MBD3L5: variants seen among roughly 807,000 people sequenced by gnomAD.
MBD3L5 encodes methyl-CpG-binding domain protein 3-like 5.
For missense variants in MBD3L5, 1 was observed against 20.1 expected, an observed-to-expected ratio of 0.05 and a Z score of 1.82; for synonymous variants, 4 against 8.2, an observed-to-expected ratio of 0.49 and a Z score of 0.88.
In MBD3L5 at chr19:7,030,961, TGCTTGGTCC is replaced by T. The variant is rs1976815739; in HGVS notation, c.45+307_45+315del. ...TCTGGAAAGCTCCTGAACCAGAAAT[TGCTTGGTCC>T]GTTTTTTTAAAAAAACAAAAAACAA... On this transcript the variant is annotated intron_variant, in intron 1 of 1. Coordinates refer to ENST00000329753, the MANE Select transcript of MBD3L5 (RefSeq NM_001136507.2). Among the ~76,000 whole-genome samples, 4 of 149,620 alleles carry T rather than the reference TGCTTGGTCC, an allele frequency of 2.7e-5. No homozygotes were observed. In the South Asian group the frequency reaches 8.4e-4, roughly 32 times the overall value.
chr19:7,031,138 A>G (rs1483317128), intron 1 of MBD3L5, among the ~76,000 whole-genome samples: 1 of 125,852 alleles, frequency 7.9e-6, no homozygotes, highest in Non-Finnish European at 1.7e-5. Context: ...CTTCTTCATC[A>G]TGGAACTTAC....
At chr19:7,030,971 G>A (rs201857687) in intron 1 of MBD3L5, among the ~76,000 whole-genome samples, 2,509 of 141,336 alleles carry the variant, frequency 0.018, 2 homozygotes, top group East Asian at 0.066. Flanking sequence ...TGCTTGGTCC[G>A]TTTTTTTAAA....
intron 1 of MBD3L5, among the ~76,000 whole-genome samples, chr19:7,030,895 G>T (rs1464645657): frequency 6.6e-6 from 1 of 151,924 alleles, no homozygotes; most frequent in African/African-American, 2.4e-5. Flanking sequence ...GGAAAGGGAA[G>T]AAGTATGATT....
At chr19:7,030,862 T>C (rs1289239497) in intron 1 of MBD3L5, among the ~76,000 whole-genome samples, 2 of 152,006 alleles carry the variant, frequency 1.3e-5, no homozygotes, top group African/African-American at 2.4e-5. Flanking sequence ...CTTTGAATTT[T>C]TTTTAAAAAT....
intron 1 of MBD3L5, among the ~76,000 whole-genome samples, 196 bp downstream of exon 1, chr19:7,030,852 C>A (rs1459265647): frequency 8.3e-4 from 125 of 151,482 alleles, no homozygotes; most frequent in African/African-American, 2.9e-3. Flanking sequence ...GGGATAATAG[C>A]TTTGAATTTT....
intron 1 of MBD3L5, among the ~76,000 whole-genome samples, chr19:7,030,909 C>T (rs1423486624): frequency 6.6e-6 from 1 of 151,936 alleles, no homozygotes; most frequent in Non-Finnish European, 1.5e-5. Context: ...TATGATTTGG[C>T]CTTGCAGTCT....
chr19:7,031,156 TGATATTCCACCA>T (rs1488192391), intron 1 of MBD3L5, among the ~76,000 whole-genome samples: 8 of 117,324 alleles, frequency 6.8e-5, no homozygotes. Flanking sequence ...TACTTATATC[TGATATTCCACCA>T]GAAATTTGTT....
At position 7,032,834 on chromosome 19, in the gene MBD3L5, G is replaced by A. The variant is rs1176740304; in HGVS notation, c.567G>A (p.Leu189=). Residue 189 remains leucine (L), a synonymous_variant, in exon 2 of 2, where the codon CTG becomes CTA. Coordinates refer to ENST00000329753, the MANE Select transcript of MBD3L5 (RefSeq NM_001136507.2). ...GGGTGAAGAAAGCCAGGGAGAGACT[G>A]GCCAAGGCCTTGCAGGCAGACAGGC... ...ARRVKKARER[L]AKALQADRLA... 7 of 418,248 alleles carry A rather than the reference G, an allele frequency of 1.7e-5. No homozygotes were observed. The highest frequency in any genetic ancestry group is 2.9e-5 in the Non-Finnish European group (7 of 242,088). The allele number at this position is 418,248 out of a possible 1,614,324, so 25.9% of individuals were successfully genotyped here.
intron 1 of MBD3L5, among the ~76,000 whole-genome samples, chr19:7,030,978 T>TA (rs1208254160): frequency 3.6e-5 from 5 of 139,418 alleles, no homozygotes; most frequent in East Asian, 2.1e-4. Context: ...TCCGTTTTTT[T>TA]AAAAAAACAA....
rs1237633976 is a variant in MBD3L5 at position 7,032,625 on chromosome 19, C to CCGGGGA, written c.362_367dup (p.Gly121_Thr122dup). On this transcript the variant is annotated inframe_insertion, in exon 2 of 2. Transcript: ENST00000329753. ...GGAGAGCGTCTTAAGTATCCTTGCACCGGGGACGGCCGGTGAATCTCTGGA... is the reference window on the plus strand; with the variant it reads ...GGAGAGCGTCTTAAGTATCCTTGCACCGGGGACGGGGACGGCCGGTGAATCTCTGGA... The CCGGGGA allele has an allele frequency of 4.6e-6, 1 of 218,734 alleles. No homozygotes were observed. The highest frequency in any genetic ancestry group is 7.5e-6 in the Non-Finnish European group (1 of 132,752). 13.5% of individuals were successfully genotyped at this position (218,734 alleles called of 1,614,324 possible).
chr19:7,030,819 A>G (rs1270859764), intron 1 of MBD3L5, among the ~76,000 whole-genome samples, 163 bp downstream of exon 1: 9 of 151,704 alleles, frequency 5.9e-5, no homozygotes, highest in African/African-American at 1.2e-4. Flanking sequence ...AAGTATTCTC[A>G]TTTTTGCCCA....
At chr19:7,030,990 A>C (rs1976816204) in intron 1 of MBD3L5, among the ~76,000 whole-genome samples, 1 of 78,224 alleles carries the variant, frequency 1.3e-5, no homozygotes, top group African/African-American at 5.4e-5. Context: ...AAAAAACAAA[A>C]AACAAAAAAA....
intron 1 of MBD3L5, among the ~76,000 whole-genome samples, 165 bp downstream of exon 1, chr19:7,030,821 T>A (rs200853104): frequency 0.17 from 20,899 of 126,474 alleles, 19 homozygotes; most frequent in Non-Finnish European, 0.2. Flanking sequence ...GTATTCTCAT[T>A]TTTGCCCATG....
At chr19:7,030,967 G>A (rs1361131948) in intron 1 of MBD3L5, among the ~76,000 whole-genome samples, 1 of 147,728 alleles carries the variant, frequency 6.8e-6, no homozygotes, top group Admixed American at 6.7e-5. Flanking sequence ...AAATTGCTTG[G>A]TCCGTTTTTT....
At chr19:7,031,002 T>A (rs1201549269) in intron 1 of MBD3L5, among the ~76,000 whole-genome samples, 12 of 90,232 alleles carry the variant, frequency 1.3e-4, no homozygotes, top group Admixed American at 4.6e-4. Flanking sequence ...ACAAAAAAAA[T>A]TAGTTCTCTG....
chr19:7,030,957 A>C (rs1218025295), intron 1 of MBD3L5, among the ~76,000 whole-genome samples: 3 of 149,964 alleles, frequency 2.0e-5, no homozygotes, highest in Non-Finnish European at 4.5e-5. Flanking sequence ...CCTGAACCAG[A>C]AATTGCTTGG....
chr19:7,030,992 A>T (rs868717278), intron 1 of MBD3L5, among the ~76,000 whole-genome samples: 3 of 79,442 alleles, frequency 3.8e-5, no homozygotes, highest in Admixed American at 1.4e-4. Context: ...AAAACAAAAA[A>T]CAAAAAAAAT....
At chr19:7,030,907 G>A (rs1401964266) in intron 1 of MBD3L5, among the ~76,000 whole-genome samples, 1 of 151,830 alleles carries the variant, frequency 6.6e-6, no homozygotes, top group Non-Finnish European at 1.5e-5. Context: ...AGTATGATTT[G>A]GCCTTGCAGT....
rs1254500804 is a variant in MBD3L5 at position 7,032,808 on chromosome 19, A to C, written c.541A>C (p.Arg181=). 4.3e-6 allele frequency: 2 copies of C among 460,038 alleles called. 1 individual carries two copies. Among genetic ancestry groups the C allele is most frequent in the African/African-American group, 1.0e-4 (2 of 19,412 alleles). 28.5% of individuals were successfully genotyped at this position (460,038 alleles called of 1,614,324 possible). A position where few individuals can be genotyped will look rare whatever the true frequency, so the allele number is the denominator to read the frequency against. The change falls in exon 2 of 2, where the codon AGG becomes CGG. Residue 181 remains arginine (R), a synonymous_variant. Coordinates refer to ENST00000329753, the MANE Select transcript of MBD3L5 (RefSeq NM_001136507.2). ...TPADIRRQAR[R]VKKARERLAK... Reference sequence around the variant, plus strand: ...TGCAGATATCCGGAGACAGGCCAGGAGGGTGAAGAAAGCCAGGGAGAGACT... The same window carrying C: ...TGCAGATATCCGGAGACAGGCCAGGCGGGTGAAGAAAGCCAGGGAGAGACT...
Sources: gnomAD v4.1 joint callset for allele counts (sites outside exome capture counted in the v4.1 genomes callset) on GRCh38, gnomAD v4.1.1 for gene constraint, MANE v1.5 for transcripts, NCBI Gene and HGNC (gene_info 2026-07-23, HGNC 2026-07-21) for gene names.